Variants in KCNJ13 observed in about 807,000 individuals in gnomAD.
KCNJ13 encodes potassium inwardly rectifying channel subfamily J member 13.
In KCNJ13, 9 loss-of-function variants were observed where a neutral mutation model predicts 24.6. That is an observed-to-expected ratio of 0.37 (90% CI 0.22 to 0.64). The LOEUF (loss-of-function observed/expected upper bound fraction) is 0.64. KCNJ13 is among the 30% of genes least tolerant of loss of function. The pLI, the probability that KCNJ13 is intolerant of heterozygous loss-of-function variation, is 0.64. For missense variants in KCNJ13, 337 were observed against 443.8 expected, an observed-to-expected ratio of 0.76 and a Z score of 2.16; for synonymous variants, 148 against 154.7, an observed-to-expected ratio of 0.96 and a Z score of 0.32.
chr2:232,775,548 T>C (rs566391825), intron 1 of KCNJ13, among the ~76,000 whole-genome samples: 21 of 152,240 alleles, frequency 1.4e-4, no homozygotes, highest in African/African-American at 4.8e-4. Context: ...CAATAGAAAG[T>C]GAGGTGGAAG....
intron 1 of KCNJ13, among the ~76,000 whole-genome samples, chr2:232,774,085 C>T (rs936401920): frequency 6.7e-6 from 1 of 150,064 alleles, no homozygotes; most frequent in East Asian, 1.9e-4. Context: ...AATTCAAGAC[C>T]GATCTGGCCA....
At chr2:232,770,638 C>CA (rs1699201537) in intron 2 of KCNJ13, among the ~76,000 whole-genome samples, 1 of 151,686 alleles carries the variant, frequency 6.6e-6, no homozygotes, top group African/African-American at 2.4e-5. Flanking sequence ...GATATTTCTG[C>CA]AATTTAGTAT....
rs748902194 is a variant in KCNJ13, at chr2:232,768,313, T to C, written c.961A>G (p.Thr321Ala). The C allele has an allele frequency of 9.9e-6, 16 of 1,614,056 alleles. No homozygotes were observed. The African/African-American group carries it at 2.0e-4, about 20-fold the overall frequency. ...AGAGGAGTTGGAAATTCAGGGACAG[T>C]CTTGTCAAAATTCTCCATCTTGATT... is the stretch of plus-strand genomic sequence containing the variant. ...YQIKMENFDKTVPEFPTPLVS... is the reference protein window; with the variant it reads ...YQIKMENFDKAVPEFPTPLVS... The change falls in exon 3 of 3, where the codon ACT becomes GCT. Residue 321 changes from threonine (T) to alanine (A), a missense_variant. Transcript: ENST00000233826.
intron 2 of KCNJ13, among the ~76,000 whole-genome samples, chr2:232,770,065 C>A (rs897072169): frequency 6.6e-5 from 10 of 152,092 alleles, no homozygotes; most frequent in Non-Finnish European, 1.2e-4. Flanking sequence ...AGTTTATAGA[C>A]CCCCTTAATT....
chr2:232,769,029 T>C (rs566145583), intron 2 of KCNJ13, among the ~76,000 whole-genome samples: 1 of 152,192 alleles, frequency 6.6e-6, no homozygotes, highest in Non-Finnish European at 1.5e-5. Flanking sequence ...TCAGAATAGA[T>C]AAGCAAAATG....
intron 2 of KCNJ13, 67 bp downstream of exon 2, chr2:232,770,836 A>T: frequency 8.9e-7 from 1 of 1,122,968 alleles, no homozygotes; most frequent in East Asian, 2.5e-5. Flanking sequence ...TACCCTTTCC[A>T]AACACCTGTA....
chr2:232,771,061 T>G lies in KCNJ13; in HGVS notation c.302A>C (p.Lys101Thr). The change falls in exon 2 of 3, where the codon AAG becomes ACG. Residue 101 changes from lysine (K) to threonine (T), a missense_variant. Lys to Thr is a moderately conservative substitution (Grantham distance 78). Around this residue, in one of 3 missense-constraint regions of KCNJ13, gnomAD observed 101 missense variants for 139.2 expected, o/e 0.73. Coordinates refer to ENST00000233826, the MANE Select transcript of KCNJ13 (RefSeq NM_002242.4). ...APPENHTICVKYITSFTAAFS... is the reference protein window; with the variant it reads ...APPENHTICVTYITSFTAAFS... ...TGCAGCTGTGAAACTGGTGATATAC[T>G]TGACACAGATAGTGTGGTTTTCAGG... is the stretch of plus-strand genomic sequence containing the variant. 3.7e-6 allele frequency: 6 copies of G among 1,614,142 alleles called. No homozygotes were observed. The South Asian group carries it at 6.6e-5, about 18-fold the overall frequency.
At chr2:232,773,545 AAGGTCTTT>A (rs1699367629) in intron 1 of KCNJ13, among the ~76,000 whole-genome samples, 1 of 152,186 alleles carries the variant, frequency 6.6e-6, no homozygotes, top group Non-Finnish European at 1.5e-5. Context: ...CATTCTCAAG[AAGGTCTTT>A]GATAGCCAAA....
At chr2:232,776,333 C>T in intron 1 of KCNJ13, 112 bp downstream of exon 1, 2 of 751,950 alleles carry the variant, frequency 2.7e-6, no homozygotes, top group East Asian at 2.7e-5. Flanking sequence ...TAGATAATGT[C>T]TTTGTTTTAA....
chr2:232,771,407 T>C, intron 1 of KCNJ13, 29 bp from the exon 2 acceptor site: 1 of 1,388,300 alleles, frequency 7.2e-7, no homozygotes, highest in Non-Finnish European at 1.0e-6. Context: ...TAGTAAGCTC[T>C]TAACTGTTTT....
chr2:232,775,672 C>T (rs892498160), intron 1 of KCNJ13, among the ~76,000 whole-genome samples: 1 of 152,240 alleles, frequency 6.6e-6, no homozygotes, highest in African/African-American at 2.4e-5. Context: ...CTTCACTGAT[C>T]ATCAGAATTC....
intron 2 of KCNJ13, among the ~76,000 whole-genome samples, chr2:232,769,693 T>C (rs1339805426): frequency 6.6e-6 from 1 of 152,114 alleles, no homozygotes; most frequent in East Asian, 1.9e-4. Context: ...TTAATCAGTT[T>C]TGTGCCACAG....
rs769501717 is a variant in KCNJ13 at position 232,768,800 on chromosome 2, C to A, written c.474G>T (p.Ala158=). The A allele has an allele frequency of 4.3e-5, 69 of 1,604,118 alleles. No individual in the cohort carries two copies. The highest frequency in any genetic ancestry group is 5.7e-5 in the Non-Finnish European group (67 of 1,173,126). ...LEAFITGAFV[A]KIARPKNRAF... Reference sequence around the variant, plus strand: ...CTCGATTTTTTGGCCGGGCAATCTTCGCCACAAAAGCACCTAAATAAGAAA... The same window carrying A: ...CTCGATTTTTTGGCCGGGCAATCTTAGCCACAAAAGCACCTAAATAAGAAA... The change falls in exon 3 of 3, where the codon GCG becomes GCT. Residue 158 remains alanine, a synonymous_variant. Transcript: ENST00000233826.
Position 232,767,848 on chromosome 2 carries a change from G to A in KCNJ13, c.*343C>T. 3.6e-6 allele frequency: 1 copy of A among 276,378 alleles called. No homozygotes were observed. The highest frequency in any genetic ancestry group is 6.9e-6 in the Non-Finnish European group (1 of 144,192). The allele number at this position is 276,378 out of a possible 1,614,324, so 17.1% of individuals were successfully genotyped here. On this transcript the variant is annotated 3_prime_UTR_variant, in exon 3 of 3. Coordinates refer to ENST00000233826, the MANE Select transcript of KCNJ13 (RefSeq NM_002242.4). The stretch of plus-strand genomic sequence containing the variant: ...TGCAGATGAAAATGAGAGATTAATG[G>A]TTGATTTTCTTAGAGTTCAGTTGTG...
chr2:232,768,394 T>C lies in KCNJ13; in HGVS notation c.880A>G (p.Met294Val). Residue 294 changes from methionine (M) to valine (V), a missense_variant, in exon 3 of 3, where the codon ATG becomes GTG. Physicochemically the swap from Met to Val is conservative, Grantham distance 21 (BLOSUM62 1). Around this residue, in one of 3 missense-constraint regions of KCNJ13, gnomAD observed 235 missense variants for 286.9 expected, o/e 0.82. Coordinates refer to ENST00000233826, the MANE Select transcript of KCNJ13 (RefSeq NM_002242.4). ...AGAGATGCAAAACAGTGATGTAACA[T>C]GATTTCAGACGGTAGGTAGGATGTC... is the stretch of plus-strand genomic sequence containing the variant. Reference protein sequence around the residue: ...RRTSYLPSEIMLHHCFASLLT... With the variant: ...RRTSYLPSEIVLHHCFASLLT... 6.2e-7 allele frequency: 1 copy of C among 1,614,190 alleles called. No individual in the cohort carries two copies. The highest frequency in any genetic ancestry group is 8.5e-7 in the Non-Finnish European group (1 of 1,180,012).
Position 232,767,605 on chromosome 2 carries a change from A to G in KCNJ13, c.*586T>C, listed in dbSNP as rs553528719. 1.3e-5 allele frequency: 2 copies of G among 157,766 alleles called. No individual in the cohort carries two copies. Among genetic ancestry groups the G allele is most frequent in the African/African-American group, 2.4e-5 (1 of 41,580 alleles). The allele number at this position is 157,766 out of a possible 1,614,324, so 9.8% of individuals were successfully genotyped here. On this transcript the variant is annotated 3_prime_UTR_variant, in exon 3 of 3. Coordinates refer to ENST00000233826, the MANE Select transcript of KCNJ13 (RefSeq NM_002242.4). The stretch of plus-strand genomic sequence containing the variant: ...TGTTCAAATGCTTTTAGGTTTATGT[A>G]TAAATCTGTACTTTGTTGTTTTTCT...
rs776379309 is a variant in KCNJ13, at chr2:232,765,947, A to G, written c.*2244T>C. ...AAGTAGTCTTCCTGATCATGTGTGC[A>G]AGACTTCATGACCAAGCTCCCAGAT... On this transcript the variant is annotated 3_prime_UTR_variant, in exon 3 of 3. Transcript: ENST00000233826. The G allele has an allele frequency of 2.1e-6, 1 of 471,060 alleles. No homozygotes were observed. Among genetic ancestry groups the G allele is most frequent in the East Asian group, 6.9e-5 (1 of 14,410 alleles). 29.2% of individuals were successfully genotyped at this position (471,060 alleles called of 1,614,324 possible). A position where few individuals can be genotyped will look rare whatever the true frequency, so the allele number is the denominator to read the frequency against.
At chr2:232,770,151 T>C (rs1699173063) in intron 2 of KCNJ13, among the ~76,000 whole-genome samples, 2 of 152,330 alleles carry the variant, frequency 1.3e-5, no homozygotes, top group Non-Finnish European at 2.9e-5. Flanking sequence ...AGCTGGTTGG[T>C]AGCACACTGG....
At position 232,767,471 on chromosome 2, in the gene KCNJ13, G is replaced by A. The variant is rs755200945; in HGVS notation, c.*720C>T. The stretch of plus-strand genomic sequence containing the variant: ...GGACAGTTTTAAAATAAAATTTTGC[G>A]TCTCCTTGCAATGCAAAATACCACC... On this transcript the variant is annotated 3_prime_UTR_variant, in exon 3 of 3. Coordinates refer to ENST00000233826, the MANE Select transcript of KCNJ13 (RefSeq NM_002242.4). 19 of 152,486 alleles carry A rather than the reference G, an allele frequency of 1.2e-4. No individual in the cohort carries two copies. The highest frequency in any genetic ancestry group is 3.4e-4 in the African/African-American group (14 of 41,402). 9.4% of individuals were successfully genotyped at this position (152,486 alleles called of 1,614,324 possible).
Sources: gnomAD v4.1 joint callset for allele counts (sites outside exome capture counted in the v4.1 genomes callset) on GRCh38, gnomAD v4.1.1 for gene constraint, gnomAD v4.1.1 regional missense constraint, MANE v1.5 for transcripts, NCBI Gene and HGNC (gene_info 2026-07-23, HGNC 2026-07-21) for gene names.